Variants in FLNA observed in about 807,000 individuals in gnomAD.
FLNA encodes the protein filamin-A.
In FLNA, 7 loss-of-function variants were observed where a neutral mutation model predicts 157.6. That is an observed-to-expected ratio of 0.04 (90% CI 0.03 to 0.08). The LOEUF (loss-of-function observed/expected upper bound fraction) is 0.08, where lower values mean the gene tolerates loss of function less well. Ranked by LOEUF, FLNA falls within the 10% of genes least tolerant of loss-of-function variation. The probability of loss-of-function intolerance (pLI) is 1.00; values close to 1 mark genes in which losing one functional copy is unlikely to be tolerated. For synonymous variants in FLNA, 1,103 were observed against 1,060.8 expected (o/e 1.04, Z -0.77); for missense variants, 1,750 against 2,398.4 (o/e 0.73, Z 5.65).
chrX:154,368,141 C>T (rs112811715), intron 2 of FLNA, 51 bp from the exon 3 acceptor site: 198 of 1,206,578 alleles, frequency 1.6e-4, no homozygotes, highest in African/African-American at 1.4e-3. Context: ...CGGGAGGGGC[C>T]GATCCCAGGC....
Position 154,365,214 on chromosome X carries a change from T to C in FLNA, c.1613A>G (p.Tyr538Cys), listed in dbSNP as rs1557178932. 8.3e-7 allele frequency: 1 copy of C among 1,211,509 alleles called. No individual in the cohort carries two copies. The highest frequency in any genetic ancestry group is 2.2e-5 in the Admixed American group (1 of 46,133). Residue 538 changes from tyrosine to cysteine, a missense_variant, in exon 11 of 48, where the codon TAT becomes TGT. This residue lies in a region of FLNA where 648 missense variants were observed against 805.8 expected (regional missense o/e 0.80). Transcript: ENST00000369850. ...VKQKDLGDGV[Y>C]GFEYYPMVPG... ...GACCATGGGGTAATACTCGAAGCCATACACGCCATCCCCCAGGTCCTTCTG... is the reference window on the plus strand; with the variant it reads ...GACCATGGGGTAATACTCGAAGCCACACACGCCATCCCCCAGGTCCTTCTG...
intron 28 of FLNA, among the ~76,000 whole-genome samples, chrX:154,357,887 G>A (rs1557177179): frequency 8.9e-6 from 1 of 112,778 alleles, no homozygotes; most frequent in East Asian, 2.8e-4. Flanking sequence ...CCAGCACTAG[G>A]AGGAGCTCAC....
rs1603359567 is a variant in FLNA at position 154,353,837 on chromosome X, G to A, written c.5686+78C>T. ...GCAGGGCAGGGAGCCCCATTCAGGA[G>A]TATCTCCTGAGTCCAGCCCTTACCC... On this transcript the variant is annotated intron_variant, in intron 35 of 47. Transcript: ENST00000369850. 5.0e-6 allele frequency: 6 copies of A among 1,199,925 alleles called. No individual in the cohort carries two copies. In the East Asian group the frequency reaches 1.5e-4, roughly 30 times the overall value.
chrX:154,362,213 G>A lies in FLNA; in HGVS notation c.2656+29C>T, dbSNP rs782375816. The A allele has an allele frequency of 1.2e-5, 14 of 1,206,042 alleles. No individual in the cohort carries two copies. The East Asian group carries it at 2.4e-4, about 20-fold the overall frequency. The stretch of plus-strand genomic sequence containing the variant: ...CAAGCCCTCCTACCCTTGATGCCCC[G>A]CAACCTGCCATGGGGTACCTGTCCT... On this transcript the variant is annotated intron_variant, in intron 18 of 47. Transcript: ENST00000369850.
At chrX:154,356,103 CAT>C (rs1557176807) in intron 30 of FLNA, among the ~76,000 whole-genome samples, 1 of 112,487 alleles carries the variant, frequency 8.9e-6, no homozygotes. Flanking sequence ...AGGCTTCACT[CAT>C]GTGCACCCCA....
chrX:154,365,144 G>T lies in FLNA; in HGVS notation c.1683C>A (p.Ile561=), dbSNP rs782081769. The change falls in exon 11 of 48, where the codon ATC becomes ATA. Residue 561 remains isoleucine, a synonymous_variant. Transcript: ENST00000369850. The stretch of plus-strand genomic sequence containing the variant: ...ATGCCTGGGGGCCTCACCTGCGCCC[G>T]ATGTTCTGACCACCCCACGTGATGG... ...IVTITWGGQN[I]GRSPFEVKVG... is the part of the protein sequence containing the mutation. The T allele has an allele frequency of 8.3e-7, 1 of 1,211,760 alleles. No individual in the cohort carries two copies. Among genetic ancestry groups the T allele is most frequent in the East Asian group, 3.0e-5 (1 of 33,853 alleles).
chrX:154,366,049 G>C lies in FLNA; in HGVS notation c.1404C>G (p.Ser468Arg). 1 of 1,208,317 alleles carries C rather than the reference G, an allele frequency of 8.3e-7. No homozygotes were observed. The highest frequency in any genetic ancestry group is 1.1e-6 in the Non-Finnish European group (1 of 894,451). The stretch of plus-strand genomic sequence containing the variant: ...CTTGGCCAACAGTGACAGTGTAGGG[G>C]CTGCGAGGGATGGGCACGCCGGCAA... ...VTFAGVPIPR[S>R]PYTVTVGQAC... is the part of the protein sequence containing the mutation. Residue 468 changes from serine to arginine, a missense_variant, in exon 9 of 48, where the codon AGC becomes AGG. Transcript: ENST00000369850.
In FLNA at chrX:154,349,449, C is replaced by T. The variant is rs782125615; in HGVS notation, c.7669G>A (p.Ala2557Thr). ...HGAPGPGPAD[A>T]SKVVAKGLGL... ...AGGCCCTTGGCCACCACCTTGCTGG[C>T]GTCAGCAGGCCCAGGACCCGGGGCC... Residue 2557 changes from alanine to threonine, a missense_variant, in exon 47 of 48, where the codon GCC (alanine) becomes ACC (threonine). By Grantham distance (58) the Ala-to-Thr change is moderately conservative (BLOSUM62 0). Around this residue, in one of 5 missense-constraint regions of FLNA, gnomAD observed 970 missense variants for 1,302.6 expected, o/e 0.74. Coordinates refer to ENST00000369850, the MANE Select transcript of FLNA (RefSeq NM_001110556.2). The T allele has an allele frequency of 5.8e-6, 7 of 1,212,035 alleles. No homozygotes were observed. Among genetic ancestry groups the T allele is most frequent in the Admixed American group, 4.3e-5 (2 of 46,183 alleles).
intron 31 of FLNA, 46 bp downstream of exon 31, chrX:154,354,779 G>A: frequency 8.3e-7 from 1 of 1,210,828 alleles, no homozygotes; most frequent in Non-Finnish European, 1.1e-6. Context: ...GAACAGGCCG[G>A]GACCTGCCAG....
chrX:154,352,531 C>T, intron 40 of FLNA, 22 bp downstream of exon 40: 1 of 1,211,593 alleles, frequency 8.3e-7, no homozygotes, highest in Non-Finnish European at 1.1e-6. Context: ...GGACCCCTCC[C>T]CAGGCTTCCC....
Position 154,358,627 on chromosome X carries a change from C to T in FLNA, c.4475-59G>A. 4 of 1,176,254 alleles carry T rather than the reference C, an allele frequency of 3.4e-6. No individual in the cohort carries two copies. In the South Asian group the frequency reaches 7.1e-5, roughly 21 times the overall value. On this transcript the variant is annotated intron_variant, in intron 26 of 47. Transcript: ENST00000369850. ...GTCTCCTGGGCCTCCATTCCTACCC[C>T]ACCACACTGGACGGCCAGGACCCAG... is the stretch of plus-strand genomic sequence containing the variant.
Position 154,370,874 on chromosome X carries a change from G to T in FLNA, c.372C>A (p.Ile124=). The T allele has an allele frequency of 8.3e-7, 1 of 1,210,113 alleles. No homozygotes were observed. The highest frequency in any genetic ancestry group is 1.8e-5 in the South Asian group (1 of 56,934). ...LDRESIKLVS[I]DSKAIVDGNL... ...CCGGCGCTTCGGGGCGTCCCTCACC[G>T]ATGGACACCAGTTTGATGCTCTCGC... The change falls in exon 2 of 48, where the codon ATC becomes ATA. Residue 124 remains isoleucine, a splice_region_variant and synonymous_variant. Transcript: ENST00000369850.
chrX:154,355,218 C>T (rs2067653917), intron 30 of FLNA, 146 bp from the exon 31 acceptor site: 1 of 616,757 alleles, frequency 1.6e-6, no homozygotes, highest in Admixed American at 3.8e-5. Flanking sequence ...CGCCCTGCCC[C>T]TCCAAGCTGG....
At chrX:154,350,234 G>C (rs782430980) in intron 44 of FLNA, 27 bp from the exon 45 acceptor site, 20 of 1,197,472 alleles carry the variant, frequency 1.7e-5, no homozygotes, top group Admixed American at 2.2e-5. Context: ...CATGCTGTGG[G>C]CCTGGGGCCC....
intron 21 of FLNA, 21 bp from the exon 22 acceptor site, chrX:154,360,608 G>A: frequency 2.6e-6 from 3 of 1,165,141 alleles, no homozygotes; most frequent in Non-Finnish European, 3.5e-6. Context: ...AAGGGGTCAG[G>A]AGCCAAGGCC....
chrX:154,357,899 G>T (rs980194012), intron 28 of FLNA, among the ~76,000 whole-genome samples: 2 of 112,578 alleles, frequency 1.8e-5, no homozygotes, highest in Non-Finnish European at 3.8e-5. Flanking sequence ...GGAGCTCACC[G>T]GGGTGATCTC....
In FLNA at chrX:154,351,694, C is replaced by T. The variant is rs186270494; in HGVS notation, c.6910G>A (p.Asp2304Asn). The T allele has an allele frequency of 3.4e-6, 4 of 1,185,541 alleles. No individual in the cohort carries two copies. The highest frequency in any genetic ancestry group is 4.4e-5 in the Admixed American group (2 of 45,947). ...GVAYVVQEPGDYEVSVKFNEE... is the reference protein window; with the variant it reads ...GVAYVVQEPGNYEVSVKFNEE... ...TTGAACTTGACTGAGACTTCGTAGT[C>T]ACCTGGGCAGGGAAAGAGTGTAAGA... Residue 2304 changes from aspartate to asparagine, a missense_variant and splice_region_variant, in exon 43 of 48, where the codon GAC (aspartate) becomes AAC (asparagine). Around this residue, in one of 5 missense-constraint regions of FLNA, gnomAD observed 970 missense variants for 1,302.6 expected, o/e 0.74. Transcript: ENST00000369850.
rs1321859695 is a variant in FLNA, at chrX:154,362,118, G to A, written c.2687C>T (p.Thr896Ile). ...GVELGKPTHF[T>I]VNAKAAGKGK... ...TTTGCCAGCAGCTTTGGCATTTACT[G>A]TGAAGTGGGTGGGCTTGCCAAGCTC... The change falls in exon 19 of 48, where the codon ACA (threonine) becomes ATA (isoleucine). Residue 896 changes from threonine (T) to isoleucine (I), a missense_variant. Transcript: ENST00000369850. The A allele has an allele frequency of 1.7e-6, 2 of 1,211,868 alleles. No homozygotes were observed. The highest frequency in any genetic ancestry group is 3.5e-5 in the South Asian group (2 of 57,020).
In FLNA at chrX:154,365,376, C is replaced by T; in HGVS notation, c.1540G>A (p.Glu514Lys). Residue 514 changes from glutamate to lysine, a missense_variant, in exon 10 of 48, where the codon GAG (glutamate) becomes AAG (lysine). This residue lies in a region of FLNA where 648 missense variants were observed against 805.8 expected (regional missense o/e 0.80). Coordinates refer to ENST00000369850, the MANE Select transcript of FLNA (RefSeq NM_001110556.2). Reference protein sequence around the residue: ...KVYTKGAGSGELKVTVKGPKG... With the variant: ...KVYTKGAGSGKLKVTVKGPKG... ...GGGCCCTTCACGGTGACCTTCAGCT[C>T]CCCACTGCCAGCGCCCTTTGTGTAC... The T allele has an allele frequency of 8.3e-7, 1 of 1,211,960 alleles. No individual in the cohort carries two copies. Among genetic ancestry groups the T allele is most frequent in the Non-Finnish European group, 1.1e-6 (1 of 895,529 alleles).
Sources: gnomAD v4.1 joint callset for allele counts (sites outside exome capture counted in the v4.1 genomes callset) on GRCh38, gnomAD v4.1.1 for gene constraint, gnomAD v4.1.1 regional missense constraint, MANE v1.5 for transcripts, NCBI Gene and HGNC (gene_info 2026-07-23, HGNC 2026-07-21) for gene names.